IL5RA: variants seen among roughly 807,000 people sequenced by gnomAD.
IL5RA encodes the protein interleukin-5 receptor subunit alpha.
In IL5RA, 49 loss-of-function variants were observed where a neutral mutation model predicts 50.0. That is an observed-to-expected ratio of 0.98 (90% CI 0.78 to 1.24). The LOEUF (loss-of-function observed/expected upper bound fraction) is 1.24. Ranked by LOEUF, IL5RA falls within the 50% of genes most tolerant of loss-of-function variation. The pLI is 0.00. For synonymous variants in IL5RA, 202 were observed against 174.0 expected, an observed-to-expected ratio of 1.16 and a Z score of -1.26; for missense variants, 600 against 500.4, an observed-to-expected ratio of 1.20 and a Z score of -1.90.
chr3:3,098,089 T>C lies in IL5RA; in HGVS notation c.522-32A>G, dbSNP rs781239809. On this transcript the variant is annotated intron_variant, in intron 6 of 11. Transcript: ENST00000446632. ...TGGAACATTTACGAGTGTTATGAGG[T>C]TGCAGGAAACAACCATTTGCCTAAG... 5 of 1,614,032 alleles carry C rather than the reference T, an allele frequency of 3.1e-6. No individual in the cohort carries two copies. In the Admixed American group the frequency reaches 6.7e-5, roughly 22 times the overall value.
At chr3:3,107,976 C>G (rs1433196044) in intron 2 of IL5RA, among the ~76,000 whole-genome samples, 1 of 152,052 alleles carries the variant, frequency 6.6e-6, no homozygotes, top group Non-Finnish European at 1.5e-5. Context: ...GTTTTATAAC[C>G]AAAGTTATAC....
At chr3:3,101,070 T>A (rs1247472184) in intron 5 of IL5RA, among the ~76,000 whole-genome samples, 2 of 151,152 alleles carry the variant, frequency 1.3e-5, no homozygotes, top group Non-Finnish European at 2.9e-5. Context: ...TCCCAGCTAC[T>A]CGGGAGGCTG....
chr3:3,074,961 C>T, intron 10 of IL5RA, 95 bp from the exon 11 acceptor site: 1 of 749,540 alleles, frequency 1.3e-6, no homozygotes, highest in Non-Finnish European at 2.3e-6. Flanking sequence ...ATTCTAGAAC[C>T]TGCTGTTTTG....
At position 3,070,231 on chromosome 3, in the gene IL5RA, C is replaced by T; in HGVS notation, c.1257G>A (p.Val419=). Residue 419 remains valine (V), a synonymous_variant, in exon 12 of 12, where the codon GTG becomes GTA. Transcript: ENST00000446632. ...GAGGATGCCAAAGTGACAGTCAAAACACAGAATCCTCCAGGGTCTCAACTC... is the reference window on the plus strand; with the variant it reads ...GAGGATGCCAAAGTGACAGTCAAAATACAGAATCCTCCAGGGTCTCAACTC... ...KPGVETLEDS[V]F The T allele has an allele frequency of 6.2e-7, 1 of 1,609,488 alleles. No homozygotes were observed. Among genetic ancestry groups the T allele is most frequent in the Non-Finnish European group, 8.5e-7 (1 of 1,176,250 alleles).
chr3:3,105,120 A>C (rs900657416), intron 2 of IL5RA, 133 bp from the exon 3 acceptor site: 4 of 607,300 alleles, frequency 6.6e-6, no homozygotes, highest in South Asian at 4.0e-5. Flanking sequence ...TATGCGCAAA[A>C]AGTACAAACA....
chr3:3,090,265 C>G (rs902095829), intron 9 of IL5RA: 1 of 1,571,504 alleles, frequency 6.4e-7, no homozygotes, highest in African/African-American at 1.4e-5. Context: ...CCCTAGGAAA[C>G]AGAGAGAAAT....
Position 3,070,106 on chromosome 3 carries a change from C to A in IL5RA, c.*119G>T. On this transcript the variant is annotated 3_prime_UTR_variant, in exon 12 of 12. Coordinates refer to ENST00000446632, the MANE Select transcript of IL5RA (RefSeq NM_175726.4). ...TGGTGTGTCTGGGTGTATTGCTTCGCAGGTAAATTGAGTGTTGCCTAAATT... is the reference window on the plus strand; with the variant it reads ...TGGTGTGTCTGGGTGTATTGCTTCGAAGGTAAATTGAGTGTTGCCTAAATT... 1.5e-6 allele frequency: 1 copy of A among 684,986 alleles called. No homozygotes were observed. Among genetic ancestry groups the A allele is most frequent in the Non-Finnish European group, 2.6e-6 (1 of 382,888 alleles). The allele number at this position is 684,986 out of a possible 1,614,324, so 42.4% of individuals were successfully genotyped here.
intron 9 of IL5RA, among the ~76,000 whole-genome samples, chr3:3,081,279 G>A (rs529994445): frequency 4.2e-4 from 64 of 152,216 alleles, no homozygotes; most frequent in Middle Eastern, 3.4e-3. Flanking sequence ...ATCAAATACC[G>A]TCTTACTTTA....
intron 9 of IL5RA, among the ~76,000 whole-genome samples, chr3:3,080,031 C>T (rs1399171639): frequency 1.3e-5 from 2 of 149,246 alleles, no homozygotes; most frequent in Non-Finnish European, 3.0e-5. Flanking sequence ...GACACTGTCT[C>T]GAAAAAAAAG....
chr3:3,087,523 G>A (rs1389112878), intron 9 of IL5RA, among the ~76,000 whole-genome samples: 1 of 152,054 alleles, frequency 6.6e-6, no homozygotes, highest in Non-Finnish European at 1.5e-5. Context: ...TCACTGATTG[G>A]CTCATATGTC....
Position 3,100,670 on chromosome 3 carries a change from T to C in IL5RA, c.367+1022A>G, listed in dbSNP as rs371134291. 2.6e-5 allele frequency among the ~76,000 whole-genome samples: 4 copies of C among 152,266 alleles called. No homozygotes were observed. The South Asian group carries it at 6.2e-4, about 24-fold the overall frequency. ...CAGAGGATAATTAGAATTGTAGAAA[T>C]GTAAGCTGCAAAGTGCCTCATAGGT... On this transcript the variant is annotated intron_variant, in intron 5 of 11. Transcript: ENST00000446632.
intron 2 of IL5RA, among the ~76,000 whole-genome samples, chr3:3,105,288 G>A (rs17884636): frequency 1.1e-3 from 166 of 152,268 alleles, no homozygotes; most frequent in African/African-American, 3.8e-3. Context: ...CCATCTAAAG[G>A]GTGAACTAGA....
chr3:3,076,696 A>G, intron 9 of IL5RA, 69 bp from the exon 10 acceptor site: 1 of 1,016,702 alleles, frequency 9.8e-7, no homozygotes, highest in Non-Finnish European at 1.5e-6. Context: ...AAAAGAAATG[A>G]TGAGGCTTGG....
chr3:3,087,379 C>CA (rs1379326030), intron 9 of IL5RA, among the ~76,000 whole-genome samples: 2 of 152,166 alleles, frequency 1.3e-5, no homozygotes, highest in African/African-American at 4.8e-5. Flanking sequence ...ACCTTACCAA[C>CA]AGAGCTGGAC....
At chr3:3,105,315 ACAG>A (rs1467550931) in intron 2 of IL5RA, among the ~76,000 whole-genome samples, 1 of 152,216 alleles carries the variant, frequency 6.6e-6, no homozygotes, top group Non-Finnish European at 1.5e-5. Flanking sequence ...GACGCACACA[ACAG>A]GGAAGAGACA....
intron 11 of IL5RA, among the ~76,000 whole-genome samples, chr3:3,071,737 G>A (rs1010764819): frequency 4.6e-5 from 7 of 152,098 alleles, no homozygotes; most frequent in Non-Finnish European, 8.8e-5. Flanking sequence ...CTACAGGTGT[G>A]CACCACCGTG....
chr3:3,097,935 ACAAGCACCG>A lies in IL5RA; in HGVS notation c.635_643del (p.Ala212_Leu214del), dbSNP rs750416210. On this transcript the variant is annotated inframe_deletion, in exon 7 of 12. Coordinates refer to ENST00000446632, the MANE Select transcript of IL5RA (RefSeq NM_175726.4). ...AGCAGAGTGCTTGCTGGAGCCGTTA[ACAAGCACCG>A]CAAGCCAGTCACGCCCTTTGCTGAG... 6.2e-7 allele frequency: 1 copy of A among 1,614,212 alleles called. No homozygotes were observed. The highest frequency in any genetic ancestry group is 8.5e-7 in the Non-Finnish European group (1 of 1,180,024).
In IL5RA at chr3:3,092,437, T is replaced by G. The variant is rs764525689; in HGVS notation, c.856-75A>C. 5.1e-5 allele frequency: 70 copies of G among 1,374,360 alleles called. No individual in the cohort carries two copies. Among genetic ancestry groups the G allele is most frequent in the Non-Finnish European group, 6.9e-5 (68 of 984,958 alleles). The allele number at this position is 1,374,360 out of a possible 1,614,324, so 85.1% of individuals were successfully genotyped here. ...TTCTGCCGATTATCAGAATGGGAGGTCCTATATAGGTCATGTGACTCACTG... is the reference window on the plus strand; with the variant it reads ...TTCTGCCGATTATCAGAATGGGAGGGCCTATATAGGTCATGTGACTCACTG... On this transcript the variant is annotated intron_variant, in intron 8 of 11. Coordinates refer to ENST00000446632, the MANE Select transcript of IL5RA (RefSeq NM_175726.4). The surrounding 1 kb of genome is among the most constrained non-coding windows in gnomAD (Gnocchi z 4.2).
chr3:3,075,980 C>T (rs1418269808), intron 10 of IL5RA, among the ~76,000 whole-genome samples: 1 of 152,170 alleles, frequency 6.6e-6, no homozygotes, highest in Non-Finnish European at 1.5e-5. Context: ...TTGTGCCTTA[C>T]TGAATGCTAA....
Sources: allele counts gnomAD v4.1 joint callset (sites outside exome capture counted in the v4.1 genomes callset), GRCh38; gene constraint gnomAD v4.1.1; non-coding constraint Gnocchi (gnomAD v3.1); transcripts MANE v1.5; gene names NCBI Gene and HGNC (gene_info 2026-07-23, HGNC 2026-07-21).